PDE1A: variants seen among roughly 807,000 people sequenced by gnomAD.
PDE1A encodes the protein phosphodiesterase 1A.
A neutral mutation model predicts 61.7 loss-of-function variants in PDE1A; 35 were observed. The ratio of observed to expected loss-of-function variants is 0.57; its 90% CI spans 0.43 to 0.75. The LOEUF is 0.75. PDE1A is among the 30% of genes least tolerant of loss of function. The pLI, the probability that PDE1A is intolerant of heterozygous loss-of-function variation, is 0.00. For synonymous variants in PDE1A, 232 were observed against 213.2 expected, an observed-to-expected ratio of 1.09 and a Z score of -0.77; for missense variants, 597 against 630.6, an observed-to-expected ratio of 0.95 and a Z score of 0.57.
chr2:182,275,387 T>C (rs1208685864), intron 1 of PDE1A, among the ~76,000 whole-genome samples: 1 of 152,054 alleles, frequency 6.6e-6, no homozygotes, highest in Non-Finnish European at 1.5e-5. Context: ...GACAGGAACC[T>C]GGGAAATTTA....
chr2:182,351,904 T>C (rs1378411407), intron 1 of PDE1A, among the ~76,000 whole-genome samples: 1 of 152,194 alleles, frequency 6.6e-6, no homozygotes, highest in East Asian at 1.9e-4. Context: ...ATATTAACAG[T>C]TTACCATATA....
the PDE1A span, among the ~76,000 whole-genome samples, chr2:182,645,868 G>A: frequency 6.6e-6 from 1 of 151,980 alleles, no homozygotes; most frequent in Non-Finnish European, 1.5e-5. Flanking sequence ...TCCTCAACAA[G>A]GTAAATTATT....
chr2:182,300,464 A>G (rs751761776), intron 1 of PDE1A, among the ~76,000 whole-genome samples: 1 of 152,156 alleles, frequency 6.6e-6, no homozygotes, highest in Non-Finnish European at 1.5e-5. Context: ...GAAAGACAAT[A>G]GTATGGACAA....
chr2:182,364,483 A>AAAAAAAC (rs1699713155), intron 1 of PDE1A, among the ~76,000 whole-genome samples: 1 of 146,414 alleles, frequency 6.8e-6, no homozygotes, highest in Non-Finnish European at 1.5e-5. Flanking sequence ...AAAAAAAAAA[A>AAAAAAAC]AAAAAAAAAA....
At chr2:182,439,308 G>A (rs929061488) in intron 2 of PDE1A, among the ~76,000 whole-genome samples, 1 of 151,902 alleles carries the variant, frequency 6.6e-6, no homozygotes, top group Admixed American at 6.6e-5. Flanking sequence ...GACAGTTATG[G>A]AGATAAAATG....
intron 1 of PDE1A, among the ~76,000 whole-genome samples, chr2:182,335,321 CA>C (rs1331508242): frequency 3.3e-5 from 5 of 152,048 alleles, no homozygotes; most frequent in African/African-American, 9.7e-5. Flanking sequence ...CAATCCTAAG[CA>C]AAAAGAACAA....
rs569227658 is a variant in PDE1A at position 182,413,510 on chromosome 2, G to A, written c.53+13068C>T. On this transcript the variant is annotated intron_variant, in intron 1 of 13. Coordinates refer to ENST00000351439, the Ensembl canonical transcript of PDE1A. ...AAGTAGAGAAGCATGAAAAATAACA[G>A]ACATTTGAAATCTAAATGACAAGAG... Among the ~76,000 whole-genome samples, 23 of 152,260 alleles carry A rather than the reference G, an allele frequency of 1.5e-4. No homozygotes were observed. The East Asian group carries it at 3.5e-3, about 23-fold the overall frequency.
At chr2:182,507,010 T>C (rs1689454428) in intron 2 of PDE1A, among the ~76,000 whole-genome samples, 1 of 152,246 alleles carries the variant, frequency 6.6e-6, no homozygotes. Context: ...AGAAATATTT[T>C]ATGTGGACAC....
At chr2:182,554,014 G>A in the PDE1A span, among the ~76,000 whole-genome samples, 28 of 152,132 alleles carry the variant, frequency 1.8e-4, no homozygotes, top group Non-Finnish European at 3.2e-4. Context: ...GGGGGGTTAC[G>A]GGATCAGGTT....
the PDE1A span, among the ~76,000 whole-genome samples, chr2:182,537,496 CGGGGGATT>C: frequency 1.3e-5 from 2 of 151,636 alleles, no homozygotes; most frequent in Non-Finnish European, 2.9e-5. Context: ...TGGGACCTGT[CGGGGGATT>C]GGGGGCAAGG....
the PDE1A span, among the ~76,000 whole-genome samples, chr2:182,640,966 G>A: frequency 5.8e-5 from 7 of 120,974 alleles, no homozygotes; most frequent in East Asian, 2.6e-4. Flanking sequence ...GTTGCAGTGA[G>A]CCGAGATCAC....
At chr2:182,562,896 G>A in the PDE1A span, among the ~76,000 whole-genome samples, 2 of 152,278 alleles carry the variant, frequency 1.3e-5, no homozygotes, top group African/African-American at 4.8e-5. Flanking sequence ...GGGATCAGTG[G>A]TGATATCCCC....
chr2:182,222,112 TATTC>T (rs1334654004), intron 7 of PDE1A, among the ~76,000 whole-genome samples: 1 of 152,010 alleles, frequency 6.6e-6, no homozygotes, highest in East Asian at 1.9e-4. Context: ...ATATCAGTAT[TATTC>T]ATAAGTGCCC....
chr2:182,532,966 A>AAAAAAC, the PDE1A span, among the ~76,000 whole-genome samples: 1 of 146,666 alleles, frequency 6.8e-6, no homozygotes, highest in Non-Finnish European at 1.5e-5. Flanking sequence ...AAAAAAAAAA[A>AAAAAAC]AAAAAAACAA....
At chr2:182,175,237 T>C (rs917938512) in intron 13 of PDE1A, among the ~76,000 whole-genome samples, 5 of 152,302 alleles carry the variant, frequency 3.3e-5, no homozygotes, top group African/African-American at 1.2e-4. Context: ...TAGAATGATT[T>C]ATAATCCTTT....
chr2:182,402,391 C>T (rs1023202507), intron 1 of PDE1A, among the ~76,000 whole-genome samples: 1 of 152,200 alleles, frequency 6.6e-6, no homozygotes, highest in Non-Finnish European at 1.5e-5. Flanking sequence ...ACCATCTGAT[C>T]TTTGACAAAC....
chr2:182,525,688 C>T (rs1258289236), upstream of PDE1A, among the ~76,000 whole-genome samples: 1 of 152,162 alleles, frequency 6.6e-6, no homozygotes, highest in East Asian at 1.9e-4. Flanking sequence ...CCAATTAAAC[C>T]TCTTTTCTTT....
intron 13 of PDE1A, among the ~76,000 whole-genome samples, chr2:182,181,225 T>G (rs1365604369): frequency 6.6e-6 from 1 of 152,196 alleles, no homozygotes; most frequent in East Asian, 1.9e-4. Flanking sequence ...CTTCATGGAT[T>G]TATCTACCTT....
the PDE1A span, among the ~76,000 whole-genome samples, chr2:182,651,510 A>G: frequency 6.6e-6 from 1 of 152,368 alleles, no homozygotes; most frequent in East Asian, 1.9e-4. Flanking sequence ...AAAATATTAA[A>G]GATTTGTATT....
Sources: gnomAD v4.1 joint callset for allele counts (sites outside exome capture counted in the v4.1 genomes callset) on GRCh38, gnomAD v4.1.1 for gene constraint, MANE v1.5 for transcripts, NCBI Gene and HGNC (gene_info 2026-07-23, HGNC 2026-07-21) for gene names.